SORL1: variants seen among roughly 807,000 people sequenced by gnomAD.
SORL1 encodes sortilin related receptor 1.
SORL1 carries 127 observed loss-of-function variants against 273.7 expected under a neutral mutation model. The ratio of observed to expected loss-of-function variants is 0.46; its 90% confidence interval spans 0.40 to 0.54. The LOEUF is 0.54. Among genes scored for constraint, SORL1 ranks in the 20% least tolerant of loss-of-function variants. SORL1 has a pLI of 0.00. For missense variants in SORL1, 2,494 were observed against 2,846.1 expected, an observed-to-expected ratio of 0.88 and a Z score of 2.81; for synonymous variants, 1,031 against 1,067.4, an observed-to-expected ratio of 0.97 and a Z score of 0.66.
intron 14 of SORL1, among the ~76,000 whole-genome samples, chr11:121,548,847 G>A (rs1187041102): frequency 3.9e-5 from 6 of 152,152 alleles, no homozygotes; most frequent in African/African-American, 1.2e-4. Context: ...GATTACAGGC[G>A]TGAGCTACCA....
intron 1 of SORL1, among the ~76,000 whole-genome samples, chr11:121,469,404 T>A (rs1861137261): frequency 6.6e-6 from 1 of 152,236 alleles, no homozygotes; most frequent in Non-Finnish European, 1.5e-5. Context: ...CTGTTGGCCT[T>A]CCTCATTTTT....
At chr11:121,462,609 G>A (rs1207612129) in intron 1 of SORL1, among the ~76,000 whole-genome samples, 5 of 152,170 alleles carry the variant, frequency 3.3e-5, no homozygotes, top group African/African-American at 7.2e-5. Context: ...TTTTGAGACA[G>A]GGTCTAGCTC....
intron 3 of SORL1, among the ~76,000 whole-genome samples, chr11:121,487,686 T>G (rs1861495162): frequency 6.6e-6 from 1 of 152,124 alleles, no homozygotes; most frequent in Non-Finnish European, 1.5e-5. Context: ...TACCCTCTGG[T>G]TGTGACTGAG....
At chr11:121,546,223 A>C (rs914535788) in intron 14 of SORL1, among the ~76,000 whole-genome samples, 4 of 152,170 alleles carry the variant, frequency 2.6e-5, no homozygotes, top group African/African-American at 9.7e-5. Context: ...AAGATAGAAT[A>C]CAGTAGGGGA....
At chr11:121,499,496 A>G (rs1296378533) in intron 6 of SORL1, among the ~76,000 whole-genome samples, 1 of 152,242 alleles carries the variant, frequency 6.6e-6, no homozygotes, top group African/African-American at 2.4e-5. Flanking sequence ...CCAGTTTGAG[A>G]AACTCTGCCC....
chr11:121,564,047 C>T (rs1862717045), intron 21 of SORL1, among the ~76,000 whole-genome samples: 1 of 152,174 alleles, frequency 6.6e-6, no homozygotes, highest in Admixed American at 6.5e-5. Flanking sequence ...CCAGTGAAGA[C>T]ATCACGGGGC....
At chr11:121,455,178 A>G (rs907022319) in intron 1 of SORL1, among the ~76,000 whole-genome samples, 4 of 152,108 alleles carry the variant, frequency 2.6e-5, no homozygotes, top group Non-Finnish European at 4.4e-5. Context: ...AAGCAGATGC[A>G]GATACAGGCA....
chr11:121,463,439 G>A (rs1388212851), intron 1 of SORL1, among the ~76,000 whole-genome samples: 3 of 152,126 alleles, frequency 2.0e-5, no homozygotes, highest in East Asian at 1.9e-4. Flanking sequence ...ATAGGTTCTC[G>A]CTGCCAAGGA....
rs181353535 is a variant in SORL1 at position 121,585,841 on chromosome 11, G to C, written c.3707-381G>C. Among the ~76,000 whole-genome samples, 69 of 152,078 alleles carry C rather than the reference G, an allele frequency of 4.5e-4. No individual in the cohort carries two copies. In the East Asian group the frequency reaches 0.012, roughly 27 times the overall value. On this transcript the variant is annotated intron_variant, in intron 26 of 47. Coordinates refer to ENST00000260197, the MANE Select transcript of SORL1 (RefSeq NM_003105.6). ...CTTGCATCTCTTTATAGCTGTCTGT[G>C]TTCCAGTGTACAGTAATTTATTAAA... is the stretch of plus-strand genomic sequence containing the variant.
chr11:121,629,941 C>G lies in SORL1; in HGVS notation c.*378C>G. On this transcript the variant is annotated 3_prime_UTR_variant, in exon 48 of 48. Coordinates refer to ENST00000260197, the MANE Select transcript of SORL1 (RefSeq NM_003105.6). ...ACCTCGAGAGAGTGATGGGTGGAAC[C>G]CCTTCTCCTTGAAAGTGTGTACAGA... The G allele has an allele frequency of 4.6e-6, 1 of 218,288 alleles. No homozygotes were observed. Among genetic ancestry groups the G allele is most frequent in the South Asian group, 7.2e-5 (1 of 13,892 alleles). 13.5% of individuals were successfully genotyped at this position (218,288 alleles called of 1,614,324 possible).
intron 37 of SORL1, 22 bp from the exon 38 acceptor site, chr11:121,608,082 A>G: frequency 6.2e-7 from 1 of 1,605,124 alleles, no homozygotes; most frequent in Non-Finnish European, 8.5e-7. Context: ...TTTCATATTA[A>G]TTCACCCTCT....
chr11:121,615,310 C>A (rs373268209), intron 41 of SORL1, among the ~76,000 whole-genome samples: 2 of 152,042 alleles, frequency 1.3e-5, no homozygotes, highest in African/African-American at 2.4e-5. Context: ...TTAGATCAAC[C>A]GTCCCAAGGC....
chr11:121,515,691 G>A (rs569755943), intron 8 of SORL1, among the ~76,000 whole-genome samples: 15 of 152,190 alleles, frequency 9.9e-5, no homozygotes, highest in Admixed American at 2.6e-4. Context: ...TCGCTCTGTC[G>A]CCCAGGCTGG....
At chr11:121,623,953 T>A (rs1304176652) in intron 45 of SORL1, among the ~76,000 whole-genome samples, 1 of 152,186 alleles carries the variant, frequency 6.6e-6, no homozygotes, top group Non-Finnish European at 1.5e-5. Flanking sequence ...CGGAGGCCTC[T>A]CCATCATGGT....
chr11:121,595,681 C>T lies in SORL1; in HGVS notation c.4428C>T (p.Phe1476=), dbSNP rs1396006107. Residue 1476 remains phenylalanine, a synonymous_variant, in exon 32 of 48, where the codon TTC becomes TTT. Transcript: ENST00000260197. This position sits in a 1 kb window ranked among gnomAD's most constrained non-coding sequence, Gnocchi z 5.1. The part of the protein sequence containing the change: ...TQLGRCDRFE[F]ECHQPKTCIP... ...TTGGGCGATGTGACCGATTTGAGTT[C>T]GAATGCCACCAACCGAAGACGTGTA... The T allele has an allele frequency of 1.9e-5, 30 of 1,613,598 alleles. No individual in the cohort carries two copies. The highest frequency in any genetic ancestry group is 2.2e-5 in the Non-Finnish European group (26 of 1,179,794).
chr11:121,499,226 T>G lies in SORL1; in HGVS notation c.939+2177T>G, dbSNP rs183615268. ...CTTAACTCTCTGTATGGCTTATTTA[T>G]TTATATGCTGTTGGTGGCAAAATTG... On this transcript the variant is annotated intron_variant, in intron 6 of 47. Coordinates refer to ENST00000260197, the MANE Select transcript of SORL1 (RefSeq NM_003105.6). Among the ~76,000 whole-genome samples, 77 of 152,332 alleles carry G rather than the reference T, an allele frequency of 5.1e-4. No homozygotes were observed. The East Asian group carries it at 0.015, about 29-fold the overall frequency.
intron 9 of SORL1, among the ~76,000 whole-genome samples, chr11:121,521,487 T>C (rs1251190627): frequency 6.6e-6 from 1 of 152,214 alleles, no homozygotes; most frequent in Non-Finnish European, 1.5e-5. Flanking sequence ...TTCAGCTTTC[T>C]GTTTCCCTGA....
intron 2 of SORL1, among the ~76,000 whole-genome samples, chr11:121,474,119 C>T (rs988246796): frequency 1.3e-5 from 2 of 152,194 alleles, no homozygotes; most frequent in African/African-American, 4.8e-5. Flanking sequence ...CATTCATTAG[C>T]AATCTGACCT....
intron 12 of SORL1, among the ~76,000 whole-genome samples, chr11:121,536,118 TA>T (rs1300580139): frequency 6.6e-6 from 1 of 152,232 alleles, no homozygotes; most frequent in Admixed American, 6.5e-5. Flanking sequence ...TCGTAGTCAG[TA>T]ATAATATTTT....
Sources: allele counts gnomAD v4.1 joint callset (sites outside exome capture counted in the v4.1 genomes callset), GRCh38; gene constraint gnomAD v4.1.1; non-coding constraint Gnocchi (gnomAD v3.1); transcripts MANE v1.5; gene names NCBI Gene and HGNC (gene_info 2026-07-23, HGNC 2026-07-21).